ESRRG: variants seen among roughly 807,000 people sequenced by gnomAD.
ESRRG encodes estrogen related receptor gamma, also known as estrogen-related receptor gamma.
Under a neutral mutation model 44.0 loss-of-function variants are expected in ESRRG, and 13 were observed. That is an observed-to-expected ratio of 0.30 (90% confidence interval 0.19 to 0.47). The LOEUF is 0.47. ESRRG is among the 20% of genes least tolerant of loss of function. The probability of loss-of-function intolerance (pLI) is 1.00; values close to 1 mark genes in which losing one functional copy is unlikely to be tolerated. For missense variants in ESRRG, 395 were observed against 580.6 expected (o/e 0.68, Z 3.29); for synonymous variants, 215 against 214.6 (o/e 1.00, Z -0.02).
intron 3 of ESRRG, among the ~76,000 whole-genome samples, chr1:216,611,423 A>G (rs1171564329): frequency 1.3e-5 from 2 of 152,140 alleles, no homozygotes; most frequent in Non-Finnish European, 2.9e-5. Flanking sequence ...AAAATCTTAT[A>G]AAGGTGTGTA....
chr1:216,879,336 C>G (rs755603061), intron 2 of ESRRG, among the ~76,000 whole-genome samples: 3 of 152,058 alleles, frequency 2.0e-5, no homozygotes, highest in Non-Finnish European at 4.4e-5. Flanking sequence ...CAATTCATCT[C>G]TCTCTGCAAT....
intron 2 of ESRRG, among the ~76,000 whole-genome samples, chr1:216,895,856 A>G (rs150327851): frequency 6.6e-6 from 1 of 152,296 alleles, no homozygotes; most frequent in African/African-American, 2.4e-5. Context: ...CCCCCATCAT[A>G]CAGAATAATT....
In ESRRG at chr1:216,860,792, C is replaced by G. The variant is rs192634245; in HGVS notation, c.-14+78790G>C. ...TACCAGATGGATATATGAATTTACA[C>G]AAAAGAATGAAGAACACAAGAAATG... On this transcript the variant is annotated intron_variant, in intron 2 of 7. Transcript: ENST00000359162. Among the ~76,000 whole-genome samples the G allele has an allele frequency of 2.6e-5, 4 of 152,088 alleles. No homozygotes were observed. The East Asian group carries it at 7.7e-4, about 29-fold the overall frequency.
intron 2 of ESRRG, among the ~76,000 whole-genome samples, chr1:216,873,001 C>T (rs563851635): frequency 6.6e-6 from 1 of 152,078 alleles, no homozygotes; most frequent in Non-Finnish European, 1.5e-5. Flanking sequence ...TCCAACTGAC[C>T]TTCTCATGGC....
chr1:217,122,373 C>T (rs183788405), intron 1 of ESRRG, among the ~76,000 whole-genome samples: 1 of 152,218 alleles, frequency 6.6e-6, no homozygotes, highest in East Asian at 1.9e-4. Flanking sequence ...GGATTTGCAT[C>T]CTGGCCCCAC....
At chr1:216,830,891 A>G (rs1419942079) in intron 2 of ESRRG, among the ~76,000 whole-genome samples, 1 of 152,168 alleles carries the variant, frequency 6.6e-6, no homozygotes, top group African/African-American at 2.4e-5. Context: ...GTGCAAAGGA[A>G]TTGTTAAGAA....
intron 2 of ESRRG, among the ~76,000 whole-genome samples, chr1:216,818,404 A>G (rs1288425696): frequency 1.3e-5 from 2 of 152,188 alleles, no homozygotes; most frequent in African/African-American, 4.8e-5. Context: ...AAAATTGTAG[A>G]GGAATAAGGA....
intron 1 of ESRRG, among the ~76,000 whole-genome samples, chr1:217,117,405 A>G (rs2092744546): frequency 6.6e-6 from 1 of 151,974 alleles, no homozygotes; most frequent in Non-Finnish European, 1.5e-5. Context: ...CCAACACAGT[A>G]AGACCCCATC....
chr1:217,021,074 A>ACACG (rs1210272190), intron 1 of ESRRG, among the ~76,000 whole-genome samples: 5 of 151,280 alleles, frequency 3.3e-5, no homozygotes, highest in African/African-American at 1.2e-4. Flanking sequence ...ACACACACAC[A>ACACG]CATACACACA....
chr1:216,674,358 T>C (rs1002272658), intron 2 of ESRRG, among the ~76,000 whole-genome samples: 1 of 152,190 alleles, frequency 6.6e-6, no homozygotes, highest in African/African-American at 2.4e-5. Context: ...GCCTTCAATT[T>C]ATAGATGAGG....
At chr1:216,559,823 A>G (rs2058369474) in intron 5 of ESRRG, among the ~76,000 whole-genome samples, 1 of 152,298 alleles carries the variant, frequency 6.6e-6, no homozygotes, top group African/African-American at 2.4e-5. Context: ...TGTAAAATTT[A>G]TTAGAACAAT....
intron 2 of ESRRG, among the ~76,000 whole-genome samples, chr1:216,671,190 T>C (rs1575080482): frequency 6.6e-6 from 1 of 152,230 alleles, no homozygotes; most frequent in South Asian, 2.1e-4. Flanking sequence ...TTATGTTTTA[T>C]GCAAGTTCCA....
chr1:216,742,577 C>T (rs542810075), intron 2 of ESRRG, among the ~76,000 whole-genome samples: 3 of 151,606 alleles, frequency 2.0e-5, no homozygotes, highest in Non-Finnish European at 2.9e-5. Flanking sequence ...TAACTCCATC[C>T]GACCCTTTCA....
At chr1:216,724,334 C>T (rs560627835), upstream of ESRRG, among the ~76,000 whole-genome samples, 10 of 147,394 alleles carry the variant, frequency 6.8e-5, no homozygotes, top group South Asian at 8.6e-4. Context: ...AAATCTCTCT[C>T]GATGCATTTT....
At chr1:216,885,833 C>T (rs2096508534) in intron 2 of ESRRG, among the ~76,000 whole-genome samples, 1 of 151,930 alleles carries the variant, frequency 6.6e-6, no homozygotes, top group Non-Finnish European at 1.5e-5. Flanking sequence ...GCCCTCCTCC[C>T]TCCCTCAGAT....
At chr1:216,611,954 C>A (rs766879775) in intron 3 of ESRRG, among the ~76,000 whole-genome samples, 1 of 152,096 alleles carries the variant, frequency 6.6e-6, no homozygotes, top group Non-Finnish European at 1.5e-5. Flanking sequence ...AGGCAAGTGG[C>A]TGAAACATCT....
chr1:216,514,766 A>G (rs1389095295), intron 6 of ESRRG, among the ~76,000 whole-genome samples: 1 of 152,146 alleles, frequency 6.6e-6, no homozygotes, highest in Non-Finnish European at 1.5e-5. Context: ...ATAGTACTGG[A>G]CATGCCTACT....
chr1:216,582,296 TTTC>T (rs2062938318), intron 3 of ESRRG, among the ~76,000 whole-genome samples: 1 of 152,176 alleles, frequency 6.6e-6, no homozygotes, highest in African/African-American at 2.4e-5. Context: ...TCCTAAAGAA[TTTC>T]TTGCTAAGCT....
intron 1 of ESRRG, among the ~76,000 whole-genome samples, chr1:217,114,863 C>G (rs369964554): frequency 2.0e-5 from 3 of 151,878 alleles, no homozygotes; most frequent in African/African-American, 7.3e-5. Context: ...AGGGGTTTCA[C>G]CATGTCGACC....
Sources: gnomAD v4.1 joint callset for allele counts (sites outside exome capture counted in the v4.1 genomes callset) on GRCh38, gnomAD v4.1.1 for gene constraint, MANE v1.5 for transcripts, NCBI Gene and HGNC (gene_info 2026-07-23, HGNC 2026-07-21) for gene names.